Variants in ARFIP1 observed in about 807,000 individuals in gnomAD.
The protein encoded by ARFIP1 is arfaptin-1.
In ARFIP1, 24 loss-of-function variants were observed where a neutral mutation model predicts 42.5. That is an observed-to-expected ratio of 0.57 (90% CI 0.41 to 0.80). The LOEUF (loss-of-function observed/expected upper bound fraction) is 0.80, where lower values mean the gene tolerates loss of function less well. Among genes scored for constraint, ARFIP1 ranks in the 30% least tolerant of loss-of-function variants. ARFIP1 has a pLI of 0.00. For synonymous variants in ARFIP1, 141 were observed against 153.7 expected (o/e 0.92, Z 0.61); for missense variants, 354 against 434.0 (o/e 0.82, Z 1.64).
chr4:152,784,279 G>C (rs6827032), intron 1 of ARFIP1, among the ~76,000 whole-genome samples: 98,971 of 152,080 alleles, frequency 0.65, 32,366 homozygotes, highest in Admixed American at 0.72. Context: ...TTGATCTTTA[G>C]TAGCTTTTGG....
At chr4:152,831,108 A>T (rs1346119262) in intron 2 of ARFIP1, among the ~76,000 whole-genome samples, 1 of 152,232 alleles carries the variant, frequency 6.6e-6, no homozygotes, top group African/African-American at 2.4e-5. Flanking sequence ...TGCATAATAA[A>T]GAAACTCAAG....
chr4:152,877,018 G>T (rs1462979623), intron 5 of ARFIP1, among the ~76,000 whole-genome samples: 2 of 152,204 alleles, frequency 1.3e-5, no homozygotes, highest in East Asian at 1.9e-4. Context: ...TGCTACAGGG[G>T]TGGGGCCCTC....
rs1329582315 is a variant in ARFIP1 at position 152,870,581 on chromosome 4, G to A, written c.203-172G>A. Among the ~76,000 whole-genome samples the A allele has an allele frequency of 2.0e-5, 3 of 152,170 alleles. 1 individual carries two copies. The highest frequency in any genetic ancestry group is 4.4e-5 in the Non-Finnish European group (3 of 68,036). ...AAAGTTTATATAAAAACTGAGCCTG[G>A]TAGCATACATTTATTATTAGTCCTT... On this transcript the variant is annotated intron_variant, in intron 3 of 8. Coordinates refer to ENST00000353617, the MANE Select transcript of ARFIP1 (RefSeq NM_001025595.3).
chr4:152,844,224 T>C (rs560366150), intron 2 of ARFIP1, among the ~76,000 whole-genome samples: 1 of 152,332 alleles, frequency 6.6e-6, no homozygotes, highest in African/African-American at 2.4e-5. Context: ...GAGGAGGCTC[T>C]CCCTTTCCCA....
chr4:152,884,074 G>C (rs1736076533), intron 7 of ARFIP1, among the ~76,000 whole-genome samples: 1 of 151,822 alleles, frequency 6.6e-6, no homozygotes, highest in Non-Finnish European at 1.5e-5. Context: ...ATTTTGAAAA[G>C]TTAATTTTTG....
rs771661005 is a variant in ARFIP1 at position 152,847,124 on chromosome 4, CTTTTTT to C, written c.94-16463_94-16458del. Reference sequence around the variant, plus strand: ...GTATGTTAATGTTTTTAGGTTTGTTCTTTTTTTTTTTTTTTTTTTTTTTTGAGACAG... The same window carrying C: ...GTATGTTAATGTTTTTAGGTTTGTTCTTTTTTTTTTTTTTTTTTGAGACAG... On this transcript the variant is annotated intron_variant, in intron 2 of 8. Transcript: ENST00000353617. Among the ~76,000 whole-genome samples the C allele has an allele frequency of 1.6e-3, 65 of 40,558 alleles. 2 individuals are homozygous for C. The highest frequency in any genetic ancestry group is 6.1e-3 in the South Asian group (5 of 814). 26.6% of individuals were successfully genotyped at this position (40,558 alleles called of 152,430 possible).
At chr4:152,850,250 A>C (rs1435401374) in intron 2 of ARFIP1, among the ~76,000 whole-genome samples, 1 of 152,208 alleles carries the variant, frequency 6.6e-6, no homozygotes, top group Admixed American at 6.5e-5. Flanking sequence ...TGATCGGTGA[A>C]AACTTTCAGC....
chr4:152,816,090 G>A (rs1438602334), intron 1 of ARFIP1, among the ~76,000 whole-genome samples: 1 of 152,046 alleles, frequency 6.6e-6, no homozygotes, highest in Non-Finnish European at 1.5e-5. Flanking sequence ...CCTACTCCAA[G>A]CTACTATCAT....
chr4:152,808,834 C>T (rs879273030), intron 1 of ARFIP1, among the ~76,000 whole-genome samples: 13 of 151,998 alleles, frequency 8.6e-5, no homozygotes, highest in African/African-American at 2.7e-4. Context: ...TTTGGGAGGC[C>T]GAGGCATGCA....
chr4:152,858,350 T>G (rs1578947892), intron 2 of ARFIP1, among the ~76,000 whole-genome samples: 1 of 152,102 alleles, frequency 6.6e-6, no homozygotes, highest in East Asian at 1.9e-4. Context: ...CAGGCAGTAC[T>G]TCCTTCCTTC....
At chr4:152,833,214 A>G (rs1001565670) in intron 2 of ARFIP1, among the ~76,000 whole-genome samples, 5 of 151,006 alleles carry the variant, frequency 3.3e-5, no homozygotes, top group African/African-American at 1.2e-4. Flanking sequence ...AGCTCAATTT[A>G]AAACTGGGGA....
At chr4:152,852,229 T>A (rs1733048133) in intron 2 of ARFIP1, among the ~76,000 whole-genome samples, 1 of 152,184 alleles carries the variant, frequency 6.6e-6, no homozygotes, top group Non-Finnish European at 1.5e-5. Flanking sequence ...TATAAATGGG[T>A]CCATTGTCTC....
At chr4:152,868,517 T>A (rs769567433) in intron 3 of ARFIP1, among the ~76,000 whole-genome samples, 64 of 152,286 alleles carry the variant, frequency 4.2e-4, no homozygotes, top group Non-Finnish European at 7.8e-4. Context: ...TGAAGGTAAA[T>A]CAAAAAAGCT....
At chr4:152,799,220 A>G (rs1026618281) in intron 1 of ARFIP1, among the ~76,000 whole-genome samples, 3 of 60,552 alleles carry the variant, frequency 5.0e-5, no homozygotes, top group Non-Finnish European at 9.1e-5. Context: ...TAATGAATAG[A>G]TATACATATG....
At chr4:152,903,649 T>C (rs375146061) in intron 8 of ARFIP1, among the ~76,000 whole-genome samples, 3 of 152,328 alleles carry the variant, frequency 2.0e-5, no homozygotes, top group East Asian at 3.9e-4. Flanking sequence ...ATATGGGTAT[T>C]GTATCATTTT....
intron 5 of ARFIP1, among the ~76,000 whole-genome samples, chr4:152,879,192 A>T (rs1004192716): frequency 5.3e-5 from 8 of 152,304 alleles, no homozygotes; most frequent in Admixed American, 1.3e-4. Flanking sequence ...TTAAAAAAAA[A>T]AAAAGTTTAT....
intron 1 of ARFIP1, among the ~76,000 whole-genome samples, chr4:152,815,623 T>C (rs1164343590): frequency 6.6e-6 from 1 of 152,214 alleles, no homozygotes; most frequent in Non-Finnish European, 1.5e-5. Context: ...TTCCAGCTAT[T>C]CAGCCAAAAC....
chr4:152,877,589 G>A (rs1398665929), intron 5 of ARFIP1, among the ~76,000 whole-genome samples: 5 of 152,086 alleles, frequency 3.3e-5, no homozygotes, highest in African/African-American at 1.2e-4. Context: ...GGGACTGTTG[G>A]GAAGGCATGG....
In ARFIP1 at chr4:152,822,905, AAAAGCAGTGCTAAC is replaced by A. The variant is rs557350499; in HGVS notation, c.-9-6716_-9-6703del. ...GTTTTCAGAACTTCTGGGATACAGC[AAAAGCAGTGCTAAC>A]AAATGTGCTAAACACCTACATAAAA... On this transcript the variant is annotated intron_variant, in intron 1 of 8. Coordinates refer to ENST00000353617, the MANE Select transcript of ARFIP1 (RefSeq NM_001025595.3). 2.1e-3 allele frequency among the ~76,000 whole-genome samples: 323 copies of A among 152,334 alleles called. 4 individuals are homozygous for A. The highest frequency in any genetic ancestry group is 3.3e-3 in the Non-Finnish European group (222 of 68,022).
Sources: allele counts gnomAD v4.1 joint callset (sites outside exome capture counted in the v4.1 genomes callset), GRCh38; gene constraint gnomAD v4.1.1; transcripts MANE v1.5; gene names NCBI Gene and HGNC (gene_info 2026-07-23, HGNC 2026-07-21).